Variants in SEMA5A observed in about 807,000 individuals in gnomAD.
SEMA5A encodes semaphorin 5A.
SEMA5A carries 55 observed loss-of-function variants against 135.5 expected under a neutral mutation model. The observed-to-expected ratio is 0.41, with a 90% CI of 0.33 to 0.51. SEMA5A has a LOEUF of 0.51. Ranked by LOEUF, SEMA5A falls within the 20% of genes least tolerant of loss-of-function variation. SEMA5A has a pLI of 0.37. For synonymous variants in SEMA5A, 580 were observed against 546.5 expected, an observed-to-expected ratio of 1.06 and a Z score of -0.85; for missense variants, 1,290 against 1,419.9, an observed-to-expected ratio of 0.91 and a Z score of 1.47.
At chr5:9,133,400 T>G (rs1376605673) in intron 13 of SEMA5A, among the ~76,000 whole-genome samples, 1 of 152,224 alleles carries the variant, frequency 6.6e-6, no homozygotes, top group Non-Finnish European at 1.5e-5. Flanking sequence ...ATGACATAAT[T>G]TATTGTCTTT....
intron 11 of SEMA5A, among the ~76,000 whole-genome samples, chr5:9,167,158 G>A (rs931681004): frequency 1.2e-4 from 18 of 152,132 alleles, no homozygotes; most frequent in Admixed American, 8.5e-4. Flanking sequence ...TTTTCTCAGT[G>A]GCTACATTAC....
chr5:9,051,153 G>A (rs1023011182), intron 20 of SEMA5A, among the ~76,000 whole-genome samples: 1 of 152,220 alleles, frequency 6.6e-6, no homozygotes, highest in Non-Finnish European at 1.5e-5. Context: ...GTACATGACT[G>A]AGGTATGGTA....
intron 21 of SEMA5A, among the ~76,000 whole-genome samples, chr5:9,049,151 ATTATTTAT>A (rs3063993): frequency 1.3e-5 from 2 of 149,172 alleles, no homozygotes; most frequent in African/African-American, 2.5e-5. Context: ...GAGCTCTTCT[ATTATTTAT>A]TTATTTATTT....
Position 9,051,959 on chromosome 5 carries a change from C to T in SEMA5A, c.2759G>A (p.Cys920Tyr). 1.2e-6 allele frequency: 2 copies of T among 1,614,100 alleles called. No individual in the cohort carries two copies. The highest frequency in any genetic ancestry group is 1.7e-5 in the Admixed American group (1 of 60,014). Residue 920 changes from cysteine to tyrosine, a missense_variant, in exon 20 of 23, where the codon TGC becomes TAC. By Grantham distance (194) the Cys-to-Tyr change is radical. Transcript: ENST00000382496. ...GCTGCCCATGGGGAACAGGAGGATG[C>T]ACTGGCGGGCGCGGACTTGGACGCC... The part of the protein sequence containing the change: ...ASGVQVRARQ[C>Y]ILLFPMGSQC...
intron 16 of SEMA5A, among the ~76,000 whole-genome samples, chr5:9,069,875 G>A (rs192559108): frequency 4.0e-4 from 61 of 152,292 alleles, no homozygotes; most frequent in Non-Finnish European, 6.6e-4. Flanking sequence ...GGCACAACGC[G>A]TGTGTGATCT....
At chr5:9,317,180 C>A (rs1392978061) in intron 5 of SEMA5A, among the ~76,000 whole-genome samples, 9 of 152,108 alleles carry the variant, frequency 5.9e-5, no homozygotes, top group Non-Finnish European at 1.2e-4. Flanking sequence ...CAGTTATGTA[C>A]TAAATTGCAG....
intron 11 of SEMA5A, among the ~76,000 whole-genome samples, chr5:9,182,101 G>GT (rs1744546571): frequency 1.3e-5 from 2 of 148,974 alleles, no homozygotes; most frequent in Non-Finnish European, 3.0e-5. Flanking sequence ...TTCCTGTTTC[G>GT]TTTTTTCCTA....
At chr5:9,455,814 C>T (rs1476511693) in intron 1 of SEMA5A, among the ~76,000 whole-genome samples, 2 of 152,174 alleles carry the variant, frequency 1.3e-5, no homozygotes, top group Non-Finnish European at 2.9e-5. Flanking sequence ...TTAAAAAGAT[C>T]TGGTGACAAC....
chr5:9,216,965 T>C (rs1260504229), intron 8 of SEMA5A, among the ~76,000 whole-genome samples: 1 of 152,180 alleles, frequency 6.6e-6, no homozygotes, highest in Non-Finnish European at 1.5e-5. Flanking sequence ...AAGGGGAGCA[T>C]TTAGCCTGTT....
chr5:9,121,759 A>C (rs1740824146), intron 14 of SEMA5A, among the ~76,000 whole-genome samples: 1 of 152,096 alleles, frequency 6.6e-6, no homozygotes. Flanking sequence ...TGGTGGTGAG[A>C]AAAATGTGAG....
intron 1 of SEMA5A, among the ~76,000 whole-genome samples, chr5:9,491,442 C>T (rs1734997798): frequency 6.6e-6 from 1 of 152,084 alleles, no homozygotes; most frequent in African/African-American, 2.4e-5. Context: ...GCCCCACCCC[C>T]ACCAGCCACA....
chr5:9,364,034 G>T (rs1754811215), intron 3 of SEMA5A, among the ~76,000 whole-genome samples: 1 of 152,152 alleles, frequency 6.6e-6, no homozygotes, highest in African/African-American at 2.4e-5. Flanking sequence ...GGCTCAGAAG[G>T]AAGGGGAAGT....
At chr5:9,262,954 CG>C (rs1749479136) in intron 5 of SEMA5A, among the ~76,000 whole-genome samples, 1 of 125,254 alleles carries the variant, frequency 8.0e-6, no homozygotes, top group Non-Finnish European at 1.7e-5. Context: ...AAAATATTTT[CG>C]AAAAAATAAA....
chr5:9,433,352 C>A (rs1446336654), intron 2 of SEMA5A, among the ~76,000 whole-genome samples: 1 of 151,880 alleles, frequency 6.6e-6, no homozygotes, highest in African/African-American at 2.4e-5. Flanking sequence ...TGATTAAAAT[C>A]ATTATCAAGA....
intron 16 of SEMA5A, among the ~76,000 whole-genome samples, chr5:9,090,039 A>C (rs2150122182): frequency 6.6e-6 from 1 of 152,284 alleles, no homozygotes; most frequent in East Asian, 1.9e-4. Context: ...ATACATGTGT[A>C]ATTTATATTT....
chr5:9,148,358 C>T (rs1470505758), intron 12 of SEMA5A, among the ~76,000 whole-genome samples: 2 of 152,138 alleles, frequency 1.3e-5, no homozygotes, highest in Admixed American at 6.5e-5. Context: ...TTTCCTGAAA[C>T]ACAGAACTGG....
At chr5:9,347,015 A>C (rs1753906875) in intron 3 of SEMA5A, among the ~76,000 whole-genome samples, 1 of 152,142 alleles carries the variant, frequency 6.6e-6, no homozygotes. Context: ...AAAAATGTCT[A>C]CAGGAAATGA....
At chr5:9,131,763 T>C (rs997359272) in intron 13 of SEMA5A, among the ~76,000 whole-genome samples, 1 of 149,742 alleles carries the variant, frequency 6.7e-6, no homozygotes, top group Admixed American at 6.7e-5. Flanking sequence ...TCCCACCAGG[T>C]CCCAACTCCA....
chr5:9,469,066 T>G (rs920478079), intron 1 of SEMA5A, among the ~76,000 whole-genome samples: 5 of 152,196 alleles, frequency 3.3e-5, no homozygotes, highest in Admixed American at 3.3e-4. Context: ...TGGAGAGCAG[T>G]GGCACAATCT....
Sources: allele counts gnomAD v4.1 joint callset (sites outside exome capture counted in the v4.1 genomes callset), GRCh38; gene constraint gnomAD v4.1.1; transcripts MANE v1.5; gene names NCBI Gene and HGNC (gene_info 2026-07-23, HGNC 2026-07-21).